The following RIT2 variants were observed in gnomAD, a reference collection of about 807,000 sequenced individuals.
The protein encoded by RIT2 is Ras like without CAAX 2, also known as GTP-binding protein Rit2.
RIT2 carries 24 observed loss-of-function variants against 23.7 expected under a neutral mutation model. The observed-to-expected ratio is 1.01, with a 90% confidence interval of 0.73 to 1.43. RIT2 has a LOEUF of 1.43. RIT2 is among the 40% of genes most tolerant of loss of function. The probability of loss-of-function intolerance (pLI) is 0.00; values close to 1 mark genes in which losing one functional copy is unlikely to be tolerated. For synonymous variants in RIT2, 107 were observed against 91.1 expected (o/e 1.17, Z -0.99); for missense variants, 236 against 266.9 (o/e 0.88, Z 0.81).
intron 4 of RIT2, among the ~76,000 whole-genome samples, chr18:42,793,681 T>C (rs1914091755): frequency 6.6e-6 from 1 of 151,950 alleles, no homozygotes; most frequent in Non-Finnish European, 1.5e-5. Flanking sequence ...GTTGGACAGA[T>C]AAAGAGAACC....
At chr18:42,930,701 T>G (rs1357697683) in intron 3 of RIT2, among the ~76,000 whole-genome samples, 1 of 152,070 alleles carries the variant, frequency 6.6e-6, no homozygotes, top group Non-Finnish European at 1.5e-5. Flanking sequence ...GAGTTAATAT[T>G]AGACATCCAA....
At chr18:42,941,836 C>G (rs1909607510) in intron 3 of RIT2, among the ~76,000 whole-genome samples, 1 of 152,000 alleles carries the variant, frequency 6.6e-6, no homozygotes, top group South Asian at 2.1e-4. Context: ...ATTTTATGAA[C>G]AACCCTATAA....
In RIT2 at chr18:43,098,684, A is replaced by G. The variant is rs146006385; in HGVS notation, c.103+16733T>C. The stretch of plus-strand genomic sequence containing the variant: ...TGCCAGGTACTGTTTTCAGGATTTT[A>G]TTTATAAGAATTCATTGGAAGCCTA... On this transcript the variant is annotated intron_variant, in intron 1 of 4. Transcript: ENST00000326695. 7.2e-3 allele frequency among the ~76,000 whole-genome samples: 1,102 copies of G among 152,092 alleles called. 11 individuals carry two copies. The highest frequency in any genetic ancestry group is 9.3e-3 in the Non-Finnish European group (633 of 67,886).
chr18:42,861,370 G>A (rs1907323246), intron 4 of RIT2, among the ~76,000 whole-genome samples: 1 of 152,206 alleles, frequency 6.6e-6, no homozygotes, highest in Non-Finnish European at 1.5e-5. Flanking sequence ...GGCATCTCCT[G>A]ACTGATTTGA....
chr18:42,966,132 T>G (rs1293531127), intron 3 of RIT2, among the ~76,000 whole-genome samples: 1 of 152,136 alleles, frequency 6.6e-6, no homozygotes, highest in Non-Finnish European at 1.5e-5. Flanking sequence ...TTATGGAAAT[T>G]TTCATGGACA....
intron 4 of RIT2, among the ~76,000 whole-genome samples, chr18:42,854,939 G>A (rs1907144640): frequency 6.6e-6 from 1 of 152,114 alleles, no homozygotes; most frequent in Non-Finnish European, 1.5e-5. Flanking sequence ...CTCTTTTTCA[G>A]ATGCTAATAA....
intron 3 of RIT2, among the ~76,000 whole-genome samples, chr18:42,936,163 G>A (rs1909454251): frequency 6.6e-6 from 1 of 151,950 alleles, no homozygotes; most frequent in African/African-American, 2.4e-5. Context: ...TTTTGATCCA[G>A]CTTTAGGAAA....
chr18:42,854,362 G>T (rs925238739), intron 4 of RIT2, among the ~76,000 whole-genome samples: 1 of 152,132 alleles, frequency 6.6e-6, no homozygotes, highest in Admixed American at 6.5e-5. Flanking sequence ...AAGATAGTAA[G>T]CTTATAATAA....
At chr18:42,873,766 C>T (rs945343051) in intron 4 of RIT2, among the ~76,000 whole-genome samples, 7 of 152,194 alleles carry the variant, frequency 4.6e-5, no homozygotes, top group Admixed American at 3.3e-4. Context: ...TGCCACACTC[C>T]TAAAATTCAT....
chr18:43,092,422 C>T (rs1398522228), intron 1 of RIT2, among the ~76,000 whole-genome samples: 1 of 152,056 alleles, frequency 6.6e-6, no homozygotes, highest in African/African-American at 2.4e-5. Context: ...GTGAAAAATG[C>T]TTTTATTCCC....
chr18:42,816,273 G>A (rs1905995889), intron 4 of RIT2, among the ~76,000 whole-genome samples: 1 of 152,144 alleles, frequency 6.6e-6, no homozygotes, highest in Non-Finnish European at 1.5e-5. Flanking sequence ...TGCACAATTG[G>A]CTCTTGAGAG....
At chr18:42,959,357 T>C (rs1910046253) in intron 3 of RIT2, among the ~76,000 whole-genome samples, 1 of 152,160 alleles carries the variant, frequency 6.6e-6, no homozygotes, top group African/African-American at 2.4e-5. Flanking sequence ...AAAATTAAGG[T>C]AAAATTTGTT....
intron 1 of RIT2, among the ~76,000 whole-genome samples, chr18:43,087,278 G>C (rs1913306810): frequency 6.6e-6 from 1 of 151,826 alleles, no homozygotes; most frequent in Non-Finnish European, 1.5e-5. Context: ...TAAAGAGTAG[G>C]TATTCATGAC....
chr18:43,038,022 G>T (rs1198607503), intron 1 of RIT2, among the ~76,000 whole-genome samples: 1 of 151,874 alleles, frequency 6.6e-6, no homozygotes. Context: ...GGCTAACATG[G>T]TGAAACCCCA....
intron 3 of RIT2, among the ~76,000 whole-genome samples, chr18:42,943,390 G>C (rs1909651593): frequency 6.6e-6 from 1 of 151,994 alleles, no homozygotes; most frequent in South Asian, 2.1e-4. Flanking sequence ...TTATAAGACA[G>C]AAAAGTTCTC....
At chr18:42,773,477 G>A (rs767546016) in intron 4 of RIT2, among the ~76,000 whole-genome samples, 18 of 152,092 alleles carry the variant, frequency 1.2e-4, no homozygotes, top group African/African-American at 4.3e-4. Context: ...TTTTAACAAC[G>A]GTGGACTTGA....
intron 4 of RIT2, among the ~76,000 whole-genome samples, chr18:42,793,691 C>T (rs1022456978): frequency 6.6e-6 from 1 of 151,772 alleles, no homozygotes; most frequent in Admixed American, 6.6e-5. Context: ...TAAAGAGAAC[C>T]CAAAGGGAAA....
intron 4 of RIT2, among the ~76,000 whole-genome samples, chr18:42,749,590 G>C (rs527883897): frequency 6.6e-6 from 1 of 151,608 alleles, no homozygotes; most frequent in Non-Finnish European, 1.5e-5. Flanking sequence ...GGGTGATGAA[G>C]AAAAATAAGT....
At chr18:42,914,137 T>C (rs973909754) in intron 4 of RIT2, among the ~76,000 whole-genome samples, 17 of 152,082 alleles carry the variant, frequency 1.1e-4, no homozygotes, top group African/African-American at 4.1e-4. Flanking sequence ...TATCACTATA[T>C]GCTGATCAAA....
Sources: allele counts gnomAD v4.1 joint callset (sites outside exome capture counted in the v4.1 genomes callset), GRCh38; gene constraint gnomAD v4.1.1; transcripts MANE v1.5; gene names NCBI Gene and HGNC (gene_info 2026-07-23, HGNC 2026-07-21).